Variants in SYT1 observed in about 807,000 individuals in gnomAD.
The protein encoded by SYT1 is synaptotagmin-1.
SYT1 carries 8 observed loss-of-function variants against 44.8 expected under a neutral mutation model. That is an observed-to-expected ratio of 0.18 (90% CI 0.10 to 0.32). SYT1 has a LOEUF of 0.32. Among genes scored for constraint, SYT1 ranks in the 10% least tolerant of loss-of-function variants. The pLI, the probability that SYT1 is intolerant of heterozygous loss-of-function variation, is 1.00. For synonymous variants in SYT1, 154 were observed against 188.8 expected (o/e 0.82, Z 1.51); for missense variants, 286 against 509.3 (o/e 0.56, Z 4.22).
intron 2 of SYT1, among the ~76,000 whole-genome samples, chr12:79,046,724 T>C (rs1874090254): frequency 6.6e-6 from 1 of 152,058 alleles, no homozygotes; most frequent in Non-Finnish European, 1.5e-5. Flanking sequence ...TATATAAACA[T>C]GTATATTTAA....
intron 3 of SYT1, among the ~76,000 whole-genome samples, chr12:79,203,227 C>T (rs547087188): frequency 8.5e-5 from 13 of 152,236 alleles, no homozygotes; most frequent in Middle Eastern, 3.4e-3. Flanking sequence ...GTATGGTTGT[C>T]GTAGGTTGAT....
chr12:79,285,766 C>T, intron 4 of SYT1, 21 bp from the exon 5 acceptor site: 2 of 1,560,876 alleles, frequency 1.3e-6, no homozygotes, highest in Non-Finnish European at 1.7e-6. Context: ...ATGACTAGTG[C>T]TCTCTGTGTG....
At chr12:79,322,839 A>G (rs1042855220) in intron 8 of SYT1, among the ~76,000 whole-genome samples, 5 of 152,216 alleles carry the variant, frequency 3.3e-5, no homozygotes, top group Non-Finnish European at 7.3e-5. Context: ...AAAGAAAGAC[A>G]TTCAAATGTG....
intron 1 of SYT1, among the ~76,000 whole-genome samples, chr12:78,870,062 G>A (rs918119576): frequency 3.3e-5 from 5 of 152,010 alleles, no homozygotes; most frequent in African/African-American, 1.2e-4. Context: ...TGAGAGCTGG[G>A]GAATTTCCAT....
At chr12:79,170,508 G>A (rs1352158817) in intron 3 of SYT1, among the ~76,000 whole-genome samples, 1 of 151,994 alleles carries the variant, frequency 6.6e-6, no homozygotes, top group African/African-American at 2.4e-5. Context: ...TTTGAAAAGG[G>A]TCTGTTCTTG....
intron 9 of SYT1, among the ~76,000 whole-genome samples, chr12:79,399,363 A>G (rs1039976026): frequency 6.6e-6 from 1 of 151,464 alleles, no homozygotes; most frequent in African/African-American, 2.4e-5. Flanking sequence ...ATATTATGAT[A>G]AAAGATAACA....
chr12:79,375,768 C>G (rs1029902617), intron 9 of SYT1, among the ~76,000 whole-genome samples: 2 of 152,064 alleles, frequency 1.3e-5, no homozygotes, highest in Admixed American at 6.6e-5. Flanking sequence ...CTGATGCCCC[C>G]TCTAGATTGT....
Position 79,449,142 on chromosome 12 carries a change from T to C in SYT1, c.*18T>C. ...AGAAGTAAAGGAAAGAAGAAGCCTT[T>C]CTGCATTTGCCCATATAGTGCTCTT... On this transcript the variant is annotated 3_prime_UTR_variant, in exon 11 of 11. Coordinates refer to ENST00000261205, the MANE Select transcript of SYT1 (RefSeq NM_005639.3). 1 of 1,583,866 alleles carries C rather than the reference T, an allele frequency of 6.3e-7. No individual in the cohort carries two copies. Among genetic ancestry groups the C allele is most frequent in the African/African-American group, 1.3e-5 (1 of 74,408 alleles).
At chr12:79,092,745 T>A (rs996935180) in intron 3 of SYT1, among the ~76,000 whole-genome samples, 3 of 151,654 alleles carry the variant, frequency 2.0e-5, no homozygotes, top group Non-Finnish European at 3.0e-5. Flanking sequence ...CTTGTGAGAG[T>A]CTTTTCTATA....
intron 9 of SYT1, among the ~76,000 whole-genome samples, chr12:79,410,216 A>T (rs1274364618): frequency 6.6e-6 from 1 of 152,184 alleles, no homozygotes; most frequent in African/African-American, 2.4e-5. Context: ...CTGATCATGT[A>T]TATTCACAGG....
intron 1 of SYT1, chr12:78,955,367 T>C (rs1592601583): frequency 6.6e-6 from 1 of 152,124 alleles, no homozygotes; most frequent in Non-Finnish European, 1.5e-5. Flanking sequence ...ACTTGTCACA[T>C]AGATTTTTAG....
At chr12:78,968,126 G>C (rs1214959967) in intron 1 of SYT1, among the ~76,000 whole-genome samples, 2 of 152,078 alleles carry the variant, frequency 1.3e-5, no homozygotes, top group South Asian at 4.1e-4. Context: ...GGAGAAAGAG[G>C]AGTATATGGT....
At chr12:79,030,253 GC>G (rs760478484) in intron 2 of SYT1, among the ~76,000 whole-genome samples, 2 of 150,744 alleles carry the variant, frequency 1.3e-5, no homozygotes, top group Non-Finnish European at 3.0e-5. Flanking sequence ...GCTCTTTGTT[GC>G]CCTTTGTGAC....
chr12:79,018,864 T>G (rs1287837601), intron 2 of SYT1, among the ~76,000 whole-genome samples: 2 of 152,068 alleles, frequency 1.3e-5, no homozygotes, highest in African/African-American at 4.8e-5. Flanking sequence ...TCAGTTGGAT[T>G]CTCTCTGAAA....
At chr12:78,884,655 CATT>C (rs1874635823) in intron 1 of SYT1, among the ~76,000 whole-genome samples, 1 of 151,002 alleles carries the variant, frequency 6.6e-6, no homozygotes, top group Non-Finnish European at 1.5e-5. Context: ...TACATTCAGA[CATT>C]ATAAATAAAA....
At chr12:79,308,127 C>T (rs992442864) in intron 8 of SYT1, among the ~76,000 whole-genome samples, 1 of 152,178 alleles carries the variant, frequency 6.6e-6, no homozygotes, top group African/African-American at 2.4e-5. Context: ...GGCAAGAACT[C>T]GAAGACCAAA....
At chr12:79,284,985 G>A (rs1203025499) in intron 4 of SYT1, among the ~76,000 whole-genome samples, 1 of 152,090 alleles carries the variant, frequency 6.6e-6, no homozygotes, top group African/African-American at 2.4e-5. Flanking sequence ...TATAGAGGAG[G>A]AAACAGAAAC....
intron 3 of SYT1, among the ~76,000 whole-genome samples, chr12:79,189,190 T>G (rs1872970850): frequency 6.6e-6 from 1 of 152,158 alleles, no homozygotes. Flanking sequence ...GCTCAAGCTA[T>G]TTCTTAAAAA....
At chr12:78,979,054 T>A (rs1869054868) in intron 2 of SYT1, among the ~76,000 whole-genome samples, 1 of 152,218 alleles carries the variant, frequency 6.6e-6, no homozygotes, top group Admixed American at 6.5e-5. Context: ...CAGTTGTTAT[T>A]GTTGAAACAC....
Sources: gnomAD v4.1 joint callset for allele counts (sites outside exome capture counted in the v4.1 genomes callset) on GRCh38, gnomAD v4.1.1 for gene constraint, MANE v1.5 for transcripts, NCBI Gene and HGNC (gene_info 2026-07-23, HGNC 2026-07-21) for gene names.